Variants in PIK3CB observed in about 807,000 individuals in gnomAD.
PIK3CB encodes phosphatidylinositol 4,5-bisphosphate 3-kinase catalytic subunit beta isoform.
In PIK3CB, 39 loss-of-function variants were observed where a neutral mutation model predicts 136.8. The observed-to-expected ratio is 0.29, with a 90% CI of 0.22 to 0.37. PIK3CB has a LOEUF of 0.37. Ranked by LOEUF, PIK3CB falls within the 10% of genes least tolerant of loss-of-function variation. The pLI is 1.00. For missense variants in PIK3CB, 868 were observed against 1,275.4 expected (o/e 0.68, Z 4.87); for synonymous variants, 428 against 436.6 (o/e 0.98, Z 0.25).
chr3:138,772,170 A>C (rs2045807896), intron 2 of PIK3CB, among the ~76,000 whole-genome samples: 1 of 152,200 alleles, frequency 6.6e-6, no homozygotes, highest in South Asian at 2.1e-4. Context: ...AAAAAATCCA[A>C]ATATAAACTA....
intron 5 of PIK3CB, among the ~76,000 whole-genome samples, chr3:138,740,534 A>G (rs544385732): frequency 6.6e-6 from 1 of 152,304 alleles, no homozygotes; most frequent in East Asian, 1.9e-4. Context: ...GAGAAGTCGC[A>G]TGCCTCCTCT....
chr3:138,695,084 A>G (rs2044107131), intron 13 of PIK3CB, among the ~76,000 whole-genome samples, 177 bp from the exon 14 acceptor site: 1 of 152,210 alleles, frequency 6.6e-6, no homozygotes, highest in Admixed American at 6.5e-5. Flanking sequence ...TTGTTGTTGA[A>G]ACATTCTATA....
Position 138,755,977 on chromosome 3 carries a change from C to A in PIK3CB, c.174G>T (p.Met58Ile). The change falls in exon 4 of 24, where the codon ATG (methionine) becomes ATT (isoleucine). Residue 58 changes from methionine (M) to isoleucine (I), a missense_variant and splice_region_variant. Coordinates refer to ENST00000674063, the MANE Select transcript of PIK3CB (RefSeq NM_006219.3). Reference protein sequence around the residue: ...REATISYIKQMLWKQVHNYPM... With the variant: ...REATISYIKQILWKQVHNYPM... ...GGTAATTGTGAACTTGCTTCCATAA[C>A]ATCTATGAGAAAAAATAAGACATTT... The A allele has an allele frequency of 1.3e-6, 2 of 1,549,928 alleles. No individual in the cohort carries two copies. The highest frequency in any genetic ancestry group is 1.8e-6 in the Non-Finnish European group (2 of 1,128,718).
intron 12 of PIK3CB, 28 bp from the exon 13 acceptor site, chr3:138,699,123 A>C (rs762814268): frequency 7.7e-7 from 1 of 1,303,420 alleles, no homozygotes; most frequent in South Asian, 1.6e-5. Context: ...TCATTATAGA[A>C]TTTAATTGTG....
intron 21 of PIK3CB, among the ~76,000 whole-genome samples, chr3:138,661,402 T>C (rs2043293607): frequency 6.6e-6 from 1 of 152,224 alleles, no homozygotes; most frequent in Non-Finnish European, 1.5e-5. Context: ...TGACTTTCTA[T>C]TTTCTCAGTT....
In PIK3CB at chr3:138,744,288, G is replaced by A. The variant is rs570383651; in HGVS notation, c.398-1507C>T. 2.8e-3 allele frequency among the ~76,000 whole-genome samples: 417 copies of A among 149,866 alleles called. 4 individuals are homozygous for A. The highest frequency in any genetic ancestry group is 8.4e-3 in the African/African-American group (343 of 40,890). ...TGGGTGCCTGAAGTCCCAGCTACTC[G>A]GGAGGCTGAGGCAGGAGAATGGCGT... On this transcript the variant is annotated intron_variant, in intron 4 of 23. Coordinates refer to ENST00000674063, the MANE Select transcript of PIK3CB (RefSeq NM_006219.3).
intron 18 of PIK3CB, 97 bp downstream of exon 18, chr3:138,683,581 G>C (rs1381860067): frequency 2.8e-6 from 2 of 706,852 alleles, no homozygotes; most frequent in Non-Finnish European, 5.0e-6. Context: ...GCTGCAAATT[G>C]TTACACACTT....
chr3:138,665,595 A>G (rs775313736), intron 19 of PIK3CB, among the ~76,000 whole-genome samples: 1 of 152,148 alleles, frequency 6.6e-6, no homozygotes, highest in Non-Finnish European at 1.5e-5. Context: ...TATACATATT[A>G]TCTTGGTTAA....
chr3:138,809,990 G>A (rs1435433026), intron 1 of PIK3CB, among the ~76,000 whole-genome samples: 2 of 152,024 alleles, frequency 1.3e-5, no homozygotes, highest in East Asian at 3.9e-4. Flanking sequence ...TTGTAGTAAT[G>A]TAACTAAAAA....
At chr3:138,802,219 C>A (rs1365525753) in intron 1 of PIK3CB, among the ~76,000 whole-genome samples, 12 of 141,362 alleles carry the variant, frequency 8.5e-5, no homozygotes, top group Non-Finnish European at 1.1e-4. Flanking sequence ...ACTAAAAATA[C>A]AAAAAAAAAA....
chr3:138,790,072 T>C (rs2046030989), intron 2 of PIK3CB, among the ~76,000 whole-genome samples: 3 of 152,030 alleles, frequency 2.0e-5, no homozygotes, highest in Non-Finnish European at 2.9e-5. Flanking sequence ...GTGTAATAAG[T>C]CAGAAACAAA....
At chr3:138,676,130 A>AT (rs2043637759) in intron 19 of PIK3CB, among the ~76,000 whole-genome samples, 1 of 152,214 alleles carries the variant, frequency 6.6e-6, no homozygotes, top group Non-Finnish European at 1.5e-5. Flanking sequence ...AAAAAGACAA[A>AT]TAACCCAATT....
At chr3:138,758,250 T>C (rs960468704) in intron 3 of PIK3CB, among the ~76,000 whole-genome samples, 6 of 152,102 alleles carry the variant, frequency 3.9e-5, no homozygotes, top group African/African-American at 1.4e-4. Context: ...TAAAAAGGAA[T>C]TGAGGGAAAG....
chr3:138,803,882 T>C (rs558658539), intron 1 of PIK3CB, among the ~76,000 whole-genome samples: 50 of 152,294 alleles, frequency 3.3e-4, no homozygotes, highest in African/African-American at 9.9e-4. Flanking sequence ...CAGAATGAAT[T>C]TGACATTCCA....
At chr3:138,736,087 C>T (rs1225715549) in intron 6 of PIK3CB, among the ~76,000 whole-genome samples, 1 of 152,088 alleles carries the variant, frequency 6.6e-6, no homozygotes, top group Non-Finnish European at 1.5e-5. Flanking sequence ...CTTTACACCT[C>T]TTAAGGTAAA....
intron 1 of PIK3CB, among the ~76,000 whole-genome samples, chr3:138,820,787 C>A (rs962467425): frequency 3.3e-5 from 5 of 152,180 alleles, no homozygotes; most frequent in South Asian, 2.1e-4. Context: ...AGCCACCGTG[C>A]CTGGTCCACT....
intron 1 of PIK3CB, among the ~76,000 whole-genome samples, chr3:138,805,110 G>A (rs971024737): frequency 1.3e-5 from 2 of 151,418 alleles, no homozygotes; most frequent in African/African-American, 2.4e-5. Flanking sequence ...AGAGGCAGGC[G>A]GATCACCTGA....
In PIK3CB at chr3:138,690,858, C is replaced by T. The variant is rs2043993107; in HGVS notation, c.2036+142G>A. ...AATCAAGAGTGCTGGTATCAAGAAA[C>T]AGGAGAAGGCACCAAAACCATATAA... On this transcript the variant is annotated intron_variant, in intron 15 of 23. Transcript: ENST00000674063. 5.3e-6 allele frequency: 3 copies of T among 561,564 alleles called. No homozygotes were observed. The East Asian group carries it at 8.9e-5, about 17-fold the overall frequency. The allele number at this position is 561,564 out of a possible 1,614,324, so 34.8% of individuals were successfully genotyped here.
chr3:138,826,059 C>T, intron 1 of PIK3CB: 2 of 1,220,222 alleles, frequency 1.6e-6, no homozygotes, highest in Non-Finnish European at 2.4e-6. Flanking sequence ...TGCAAGTTTG[C>T]TGACCTGAAG....
Sources: gnomAD v4.1 joint callset for allele counts (sites outside exome capture counted in the v4.1 genomes callset) on GRCh38, gnomAD v4.1.1 for gene constraint, MANE v1.5 for transcripts, NCBI Gene and HGNC (gene_info 2026-07-23, HGNC 2026-07-21) for gene names.